Variants in NWD1 observed in about 807,000 individuals in gnomAD.
The protein encoded by NWD1 is NACHT domain- and WD repeat-containing protein 1.
Under a neutral mutation model 135.1 loss-of-function variants are expected in NWD1, and 129 were observed. That is an observed-to-expected ratio of 0.96 (90% CI 0.83 to 1.11). The LOEUF is 1.11. NWD1 is among the 50% of genes least tolerant of loss of function. The pLI, the probability that NWD1 is intolerant of heterozygous loss-of-function variation, is 0.00. For synonymous variants in NWD1, 773 were observed against 786.0 expected (o/e 0.98, Z 0.28); for missense variants, 1,740 against 1,851.3 (o/e 0.94, Z 1.10).
intron 12 of NWD1, among the ~76,000 whole-genome samples, chr19:16,785,744 GAAAGT>G (rs1454769883): frequency 6.8e-6 from 1 of 147,528 alleles, no homozygotes; most frequent in Non-Finnish European, 1.5e-5. Context: ...ATACATACAT[GAAAGT>G]ATATATACAT....
intron 18 of NWD1, among the ~76,000 whole-genome samples, chr19:16,810,175 C>T (rs1264064736): frequency 6.6e-6 from 1 of 152,152 alleles, no homozygotes; most frequent in Admixed American, 6.6e-5. Context: ...CCATGGCTCA[C>T]ACCTGTAATC....
chr19:16,761,146 C>G (rs1157156607), intron 7 of NWD1, among the ~76,000 whole-genome samples: 1 of 152,128 alleles, frequency 6.6e-6, no homozygotes, highest in African/African-American at 2.4e-5. Flanking sequence ...TTCTTTCACT[C>G]AGCATTATGT....
intron 5 of NWD1, chr19:16,745,067 A>G (rs551452951): frequency 2.0e-6 from 1 of 490,368 alleles, no homozygotes; most frequent in African/African-American, 1.9e-5. Context: ...ATGGACTCAC[A>G]ATTCCACATG....
At chr19:16,731,161 C>G (rs1195715580) in intron 2 of NWD1, 31 bp from the exon 3 acceptor site, 1 of 1,195,362 alleles carries the variant, frequency 8.4e-7, no homozygotes, top group Middle Eastern at 1.9e-4. Flanking sequence ...TGAGTCCTTT[C>G]CACTAATACC....
intron 12 of NWD1, among the ~76,000 whole-genome samples, chr19:16,787,913 C>A (rs139614659): frequency 0.13 from 13,325 of 105,958 alleles, 686 homozygotes; most frequent in South Asian, 0.17. Flanking sequence ...TAATCATCAT[C>A]ATCATCATCA....
intron 15 of NWD1, 73 bp from the exon 16 acceptor site, chr19:16,797,659 T>C: frequency 7.0e-7 from 1 of 1,420,814 alleles, no homozygotes; most frequent in Non-Finnish European, 9.7e-7. Context: ...CCAAAACACC[T>C]CTGTTGATGG....
chr19:16,740,702 G>A (rs1481113248), intron 4 of NWD1, among the ~76,000 whole-genome samples: 2 of 141,836 alleles, frequency 1.4e-5, no homozygotes, highest in African/African-American at 5.4e-5. Flanking sequence ...TAACTCCTAA[G>A]CTCAAGTGAT....
At chr19:16,726,629 AGGG>A (rs1967340077) in intron 2 of NWD1, among the ~76,000 whole-genome samples, 1 of 151,894 alleles carries the variant, frequency 6.6e-6, no homozygotes, top group Non-Finnish European at 1.5e-5. Context: ...TCATAGAGAC[AGGG>A]TTTCACCATG....
chr19:16,809,956 T>C (rs966196992), intron 18 of NWD1, among the ~76,000 whole-genome samples: 1 of 152,166 alleles, frequency 6.6e-6, no homozygotes, highest in African/African-American at 2.4e-5. Flanking sequence ...CCTTTCTATC[T>C]GCCTGGTCAC....
At chr19:16,797,524 A>T (rs1970455868) in intron 15 of NWD1, among the ~76,000 whole-genome samples, 1 of 151,906 alleles carries the variant, frequency 6.6e-6, no homozygotes, top group Admixed American at 6.6e-5. Flanking sequence ...AGAGAATAAA[A>T]TACATGAAAC....
rs1599451707 is a variant in NWD1 at position 16,744,720 on chromosome 19, T to G, written c.496+2T>G. 1 of 1,535,492 alleles carries G rather than the reference T, an allele frequency of 6.5e-7. No individual in the cohort carries two copies. ...AGTGGCAGCACTACCACCGGTCAGG[T>G]GAGGCCGCAGGGACTCCCCTCTGGA... On this transcript the variant is annotated splice_donor_variant, in intron 5 of 18. Transcript: ENST00000524140. LOFTEE classifies it high-confidence loss of function.
At chr19:16,730,347 A>G (rs1002533013) in intron 2 of NWD1, among the ~76,000 whole-genome samples, 3 of 151,662 alleles carry the variant, frequency 2.0e-5, no homozygotes, top group Non-Finnish European at 4.4e-5. Context: ...AAAAAACAAA[A>G]AAAAAACCCA....
intron 2 of NWD1, 42 bp downstream of exon 2, chr19:16,724,505 T>G (rs1001485723): frequency 6.6e-6 from 1 of 152,102 alleles, no homozygotes; most frequent in Admixed American, 6.6e-5. Context: ...GGTTTGCTAC[T>G]GTTGTGAAGA....
chr19:16,810,078 C>G (rs1056874901), intron 18 of NWD1, among the ~76,000 whole-genome samples: 1 of 152,042 alleles, frequency 6.6e-6, no homozygotes, highest in African/African-American at 2.4e-5. Flanking sequence ...TGAAGTTTCC[C>G]TTGTTCCTAG....
chr19:16,719,896 A>G lies in NWD1; in HGVS notation c.-502A>G, dbSNP rs1404683222. ...AGAGACCCATAAAATACCTAAGACG[A>G]AAGTTACTAGGATAGCCAGGGGCTT... On this transcript the variant is annotated 5_prime_UTR_variant, in exon 1 of 19. Coordinates refer to ENST00000524140, the MANE Select transcript of NWD1 (RefSeq NM_001007525.5). 3 of 152,150 alleles carry G rather than the reference A, an allele frequency of 2.0e-5. No individual in the cohort carries two copies. Among genetic ancestry groups the G allele is most frequent in the Non-Finnish European group, 4.4e-5 (3 of 68,032 alleles). 9.4% of individuals were successfully genotyped at this position (152,150 alleles called of 1,614,324 possible).
intron 4 of NWD1, among the ~76,000 whole-genome samples, chr19:16,737,015 T>C (rs1287309164): frequency 1.3e-5 from 2 of 152,192 alleles, no homozygotes; most frequent in African/African-American, 4.8e-5. Flanking sequence ...TGGAATTTGA[T>C]CTGGACTTTC....
intron 14 of NWD1, among the ~76,000 whole-genome samples, chr19:16,792,010 G>A (rs935695002): frequency 2.6e-5 from 4 of 152,094 alleles, no homozygotes; most frequent in Non-Finnish European, 5.9e-5. Flanking sequence ...CACCGTGCCC[G>A]GCCACACGCT....
At chr19:16,735,932 C>T (rs553426146) in intron 3 of NWD1, among the ~76,000 whole-genome samples, 1 of 145,792 alleles carries the variant, frequency 6.9e-6, no homozygotes, top group South Asian at 2.2e-4. Context: ...CCACTGCACT[C>T]TAGCCTGGGT....
chr19:16,786,799 G>T (rs1040173850), intron 12 of NWD1, among the ~76,000 whole-genome samples: 3 of 151,866 alleles, frequency 2.0e-5, no homozygotes, highest in Non-Finnish European at 2.9e-5. Flanking sequence ...CGATCTGCCC[G>T]CCTCAGCCTC....
Sources: gnomAD v4.1 joint callset for allele counts (sites outside exome capture counted in the v4.1 genomes callset) on GRCh38, gnomAD v4.1.1 for gene constraint, MANE v1.5 for transcripts, NCBI Gene and HGNC (gene_info 2026-07-23, HGNC 2026-07-21) for gene names.